SLIT3: variants seen among roughly 807,000 people sequenced by gnomAD.
The protein encoded by SLIT3 is slit homolog 3 protein.
SLIT3 carries 68 observed loss-of-function variants against 184.0 expected under a neutral mutation model. The ratio of observed to expected loss-of-function variants is 0.37; its 90% CI spans 0.30 to 0.45. The LOEUF is 0.45. SLIT3 is among the 20% of genes least tolerant of loss of function. The pLI is 1.00. For missense variants in SLIT3, 1,707 were observed against 2,026.0 expected (o/e 0.84, Z 3.02); for synonymous variants, 831 against 828.6 (o/e 1.00, Z -0.05).
At chr5:168,756,051 ATCT>A (rs1226507989) in intron 16 of SLIT3, among the ~76,000 whole-genome samples, 1 of 152,230 alleles carries the variant, frequency 6.6e-6, no homozygotes, top group Non-Finnish European at 1.5e-5. Flanking sequence ...ATGGGGAACC[ATCT>A]TCTGCAAACA....
chr5:169,121,598 A>T lies in SLIT3; in HGVS notation c.413+71881T>A, dbSNP rs1240583615. 2.6e-5 allele frequency among the ~76,000 whole-genome samples: 4 copies of T among 152,214 alleles called. No homozygotes were observed. The East Asian group carries it at 7.7e-4, about 29-fold the overall frequency. On this transcript the variant is annotated intron_variant, in intron 4 of 35. Coordinates refer to ENST00000519560, the MANE Select transcript of SLIT3 (RefSeq NM_003062.4). ...TGCTCTGTATTTAGTTTTGGAAGCC[A>T]TTCTATGAGGTGAAAACAATCTCAT... is the stretch of plus-strand genomic sequence containing the variant.
chr5:168,944,131 A>C (rs907675005), intron 4 of SLIT3, among the ~76,000 whole-genome samples: 1 of 152,330 alleles, frequency 6.6e-6, no homozygotes, highest in Non-Finnish European at 1.5e-5. Context: ...ATGTCAAAGT[A>C]ATTGGATAAC....
At chr5:169,253,007 G>A (rs1581104617) in intron 1 of SLIT3, among the ~76,000 whole-genome samples, 1 of 151,804 alleles carries the variant, frequency 6.6e-6, no homozygotes, top group Non-Finnish European at 1.5e-5. Context: ...CAGCATCAAA[G>A]TTGTTTCTGA....
chr5:168,690,658 T>G (rs759164738), intron 29 of SLIT3, among the ~76,000 whole-genome samples: 12 of 152,144 alleles, frequency 7.9e-5, no homozygotes, highest in Non-Finnish European at 1.8e-4. Flanking sequence ...GGAGGTCCTG[T>G]GAGGTATCTC....
At chr5:169,021,834 G>A (rs993828446) in intron 4 of SLIT3, among the ~76,000 whole-genome samples, 2 of 152,166 alleles carry the variant, frequency 1.3e-5, no homozygotes, top group African/African-American at 4.8e-5. Context: ...GACCTGCGTT[G>A]CTCACCATGG....
At chr5:168,998,678 T>C (rs1755594471) in intron 4 of SLIT3, among the ~76,000 whole-genome samples, 1 of 151,674 alleles carries the variant, frequency 6.6e-6, no homozygotes, top group Non-Finnish European at 1.5e-5. Flanking sequence ...CACTCCAGCC[T>C]GGGCGACAGA....
At chr5:169,257,632 C>T (rs1332019850) in intron 1 of SLIT3, among the ~76,000 whole-genome samples, 3 of 144,642 alleles carry the variant, frequency 2.1e-5, no homozygotes, top group South Asian at 2.3e-4. Flanking sequence ...CTGCAACCTC[C>T]GCTTCCTGGG....
At chr5:168,691,901 G>A (rs1761920168) in intron 29 of SLIT3, among the ~76,000 whole-genome samples, 2 of 152,310 alleles carry the variant, frequency 1.3e-5, no homozygotes, top group Non-Finnish European at 2.9e-5. Context: ...CTTTCATGAA[G>A]GAAGGTGAAA....
chr5:168,689,152 G>C (rs973415516), intron 29 of SLIT3, among the ~76,000 whole-genome samples: 1 of 152,136 alleles, frequency 6.6e-6, no homozygotes, highest in African/African-American at 2.4e-5. Flanking sequence ...CAGGGAGTCT[G>C]GGTGGGGCCT....
intron 4 of SLIT3, among the ~76,000 whole-genome samples, chr5:169,114,479 A>T (rs1280776855): frequency 6.6e-6 from 1 of 152,174 alleles, no homozygotes; most frequent in East Asian, 1.9e-4. Flanking sequence ...ACTTAGGAAC[A>T]AGCCTTAGCA....
intron 4 of SLIT3, among the ~76,000 whole-genome samples, chr5:169,102,242 T>C (rs1388704743): frequency 6.6e-6 from 1 of 152,096 alleles, no homozygotes; most frequent in Non-Finnish European, 1.5e-5. Flanking sequence ...AAGGGGAGAG[T>C]TGAAATCACT....
At chr5:168,802,733 T>A (rs1176132513) in intron 9 of SLIT3, among the ~76,000 whole-genome samples, 1 of 152,228 alleles carries the variant, frequency 6.6e-6, no homozygotes, top group Non-Finnish European at 1.5e-5. Flanking sequence ...ATTGTCATCA[T>A]CCTAATAAAG....
intron 4 of SLIT3, among the ~76,000 whole-genome samples, chr5:168,946,117 T>C (rs776702124): frequency 2.4e-4 from 37 of 152,220 alleles, no homozygotes; most frequent in Non-Finnish European, 1.0e-4. Context: ...ACAATTTCCC[T>C]GAGTTTACCT....
chr5:168,771,368 T>C (rs1048665539), intron 14 of SLIT3, among the ~76,000 whole-genome samples: 6 of 152,118 alleles, frequency 3.9e-5, no homozygotes, highest in South Asian at 2.1e-4. Flanking sequence ...TCCCCAAATA[T>C]TCCTTCTCTC....
At chr5:168,913,448 T>C (rs970161538) in intron 4 of SLIT3, among the ~76,000 whole-genome samples, 2 of 152,196 alleles carry the variant, frequency 1.3e-5, no homozygotes, top group African/African-American at 4.8e-5. Flanking sequence ...ATAAATTTAA[T>C]ATTAAAGAAT....
rs115235860 is a variant in SLIT3 at position 168,901,569 on chromosome 5, A to G, written c.414-18233T>C. Among the ~76,000 whole-genome samples, 533 of 152,310 alleles carry G rather than the reference A, an allele frequency of 3.5e-3. 4 individuals are homozygous for G. Among genetic ancestry groups the G allele is most frequent in the African/African-American group, 0.012 (517 of 41,562 alleles). ...TTACTGATCCTATTAAAAAGGAAGC[A>G]TCTTTTTTTCAGAACCCATAATTAT... On this transcript the variant is annotated intron_variant, in intron 4 of 35. Transcript: ENST00000519560.
In SLIT3 at chr5:168,848,089, T is replaced by G. The variant is rs115429520; in HGVS notation, c.486-3434A>C. Among the ~76,000 whole-genome samples the G allele has an allele frequency of 1.7e-3, 252 of 152,344 alleles. 1 individual carries two copies. The highest frequency in any genetic ancestry group is 5.9e-3 in the African/African-American group (244 of 41,584). ...GTATTTCCCACAGCTGCTGAATCTT[T>G]GCTTCTTATCATGCAACATAACTTA... On this transcript the variant is annotated intron_variant, in intron 5 of 35. Coordinates refer to ENST00000519560, the MANE Select transcript of SLIT3 (RefSeq NM_003062.4).
At chr5:168,723,401 C>T (rs1185953194) in intron 21 of SLIT3, among the ~76,000 whole-genome samples, 1 of 150,624 alleles carries the variant, frequency 6.6e-6, no homozygotes, top group East Asian at 2.0e-4. Flanking sequence ...TCCAAATGGT[C>T]ATTTTCAATT....
chr5:169,250,762 C>T (rs1467121939), intron 2 of SLIT3, among the ~76,000 whole-genome samples: 1 of 152,170 alleles, frequency 6.6e-6, no homozygotes, highest in Non-Finnish European at 1.5e-5. Flanking sequence ...TTGCTTTTTC[C>T]TGTACCTCTG....
Sources: gnomAD v4.1 joint callset for allele counts (sites outside exome capture counted in the v4.1 genomes callset) on GRCh38, gnomAD v4.1.1 for gene constraint, MANE v1.5 for transcripts, NCBI Gene and HGNC (gene_info 2026-07-23, HGNC 2026-07-21) for gene names.